Variants in HSD17B13 observed in about 807,000 individuals in gnomAD.
The protein encoded by HSD17B13 is 17-beta-hydroxysteroid dehydrogenase 13.
A neutral mutation model predicts 31.1 loss-of-function variants in HSD17B13; 26 were observed. The ratio of observed to expected loss-of-function variants is 0.84; its 90% CI spans 0.61 to 1.16. The LOEUF (loss-of-function observed/expected upper bound fraction) is 1.16. Among genes scored for constraint, HSD17B13 ranks in the 50% most tolerant of loss-of-function variants. The pLI, the probability that HSD17B13 is intolerant of heterozygous loss-of-function variation, is 0.00. For missense variants in HSD17B13, 374 were observed against 366.5 expected, an observed-to-expected ratio of 1.02 and a Z score of -0.17; for synonymous variants, 141 against 133.7, an observed-to-expected ratio of 1.05 and a Z score of -0.38.
chr4:87,310,262 T>C lies in HSD17B13; in HGVS notation c.793A>G (p.Ile265Val), dbSNP rs1386945248. 1.9e-6 allele frequency: 3 copies of C among 1,573,060 alleles called. No individual in the cohort carries two copies. The South Asian group carries it at 3.6e-5, about 19-fold the overall frequency. The stretch of plus-strand genomic sequence containing the variant: ...ACTTACTTCTGTAGTCTCAGAAAGA[T>C]ATTGATATACGATGGAACAAAAATC... ...KMIFVPSYIN[I>V]FLRLQKFLPE... The change falls in exon 6 of 7, where the codon ATC (isoleucine) becomes GTC (valine). Residue 265 changes from isoleucine (I) to valine (V), a missense_variant. Physicochemically the swap from Ile to Val is conservative, Grantham distance 29. Coordinates refer to ENST00000328546, the MANE Select transcript of HSD17B13 (RefSeq NM_178135.5).
In HSD17B13 at chr4:87,305,311, G is replaced by A. The variant is rs1489476056; in HGVS notation, c.813-3C>T. The A allele has an allele frequency of 1.3e-6, 2 of 1,566,434 alleles. No individual in the cohort carries two copies. Among genetic ancestry groups the A allele is most frequent in the Non-Finnish European group, 1.7e-6 (2 of 1,162,382 alleles). On this transcript the variant is annotated splice_region_variant and splice_polypyrimidine_tract_variant and intron_variant, in intron 6 of 6. Coordinates refer to ENST00000328546, the MANE Select transcript of HSD17B13 (RefSeq NM_178135.5). ...CTGAGGCGCGTTCAGGAAGAAACCTGTACAAAAAAGAAAAAAAAATTGAAA... is the reference window on the plus strand; with the variant it reads ...CTGAGGCGCGTTCAGGAAGAAACCTATACAAAAAAGAAAAAAAAATTGAAA...
intron 1 of HSD17B13, 100 bp from the exon 2 acceptor site, chr4:87,318,536 A>ACG (rs1734711611): frequency 1.1e-6 from 1 of 914,366 alleles, no homozygotes; most frequent in Admixed American, 1.9e-5. Flanking sequence ...GCGGTGGCTC[A>ACG]CGCCTGTAAT....
Position 87,310,254 on chromosome 4 carries a change from C to T in HSD17B13, c.801G>A (p.Leu267=). Residue 267 remains leucine, a synonymous_variant, in exon 6 of 7, where the codon CTG becomes CTA. Transcript: ENST00000328546. Reference sequence around the variant, plus strand: ...TGTGCTGTACTTACTTCTGTAGTCTCAGAAAGATATTGATATACGATGGAA... The same window carrying T: ...TGTGCTGTACTTACTTCTGTAGTCTTAGAAAGATATTGATATACGATGGAA... ...IFVPSYINIF[L]RLQKFLPERA... 1 of 1,566,494 alleles carries T rather than the reference C, an allele frequency of 6.4e-7. No individual in the cohort carries two copies. The highest frequency in any genetic ancestry group is 1.2e-5 in the South Asian group (1 of 83,034).
chr4:87,306,905 TAAAAAAAAAAAAAAA>T (rs67775053), intron 6 of HSD17B13, among the ~76,000 whole-genome samples: 2 of 44,318 alleles, frequency 4.5e-5, no homozygotes, highest in Middle Eastern at 0.017. Flanking sequence ...AGACCCAATC[TAAAAAAAAAAAAAAA>T]AAAAAAAAAA....
chr4:87,305,583 T>C (rs1734373558), intron 6 of HSD17B13, among the ~76,000 whole-genome samples: 1 of 152,128 alleles, frequency 6.6e-6, no homozygotes, highest in Non-Finnish European at 1.5e-5. Flanking sequence ...TTATGCCTTG[T>C]GGCTATAGTA....
At chr4:87,321,393 A>C (rs921445226) in intron 1 of HSD17B13, among the ~76,000 whole-genome samples, 1 of 152,158 alleles carries the variant, frequency 6.6e-6, no homozygotes, top group African/African-American at 2.4e-5. Context: ...GAAATTTTAA[A>C]ATTTAAAAAA....
At chr4:87,314,639 T>TCACA (rs1473304485) in intron 4 of HSD17B13, among the ~76,000 whole-genome samples, 6 of 134,868 alleles carry the variant, frequency 4.4e-5, no homozygotes, top group African/African-American at 6.7e-5. Flanking sequence ...TCTCTCTCTC[T>TCACA]CTCACACACA....
intron 2 of HSD17B13, 23 bp downstream of exon 2, chr4:87,318,306 A>C (rs567369472): frequency 1.3e-6 from 2 of 1,550,882 alleles, no homozygotes; most frequent in East Asian, 2.2e-5. Flanking sequence ...AATCTGAAGA[A>C]ATTTGTGAAC....
intron 3 of HSD17B13, 49 bp from the exon 4 acceptor site, chr4:87,315,648 T>C: frequency 1.7e-6 from 2 of 1,177,804 alleles, no homozygotes; most frequent in East Asian, 2.4e-5. Context: ...AGACGTTAGG[T>C]TTCCAAATCA....
At chr4:87,321,875 A>G (rs1166619480) in intron 1 of HSD17B13, among the ~76,000 whole-genome samples, 2 of 152,238 alleles carry the variant, frequency 1.3e-5, no homozygotes, top group South Asian at 2.1e-4. Context: ...AATTTTTCCA[A>G]TCCTAAAATC....
In HSD17B13 at chr4:87,313,875, A is replaced by G. The variant is rs772092560; in HGVS notation, c.643T>C (p.Cys215Arg). ...ALGKTGIKTS[C>R]LCPVFVNTGF... is the part of the protein sequence containing the mutation. ...GTATTCACAAAAACTGGGCAGAGAC[A>G]TGAGGTTTTGATACCAGTTTTTCCC... Residue 215 changes from cysteine to arginine, a missense_variant, in exon 5 of 7, where the codon TGT (cysteine) becomes CGT (arginine). Physicochemically the swap from Cys to Arg is radical, Grantham distance 180 (BLOSUM62 -3). Transcript: ENST00000328546. 1.2e-6 allele frequency: 2 copies of G among 1,612,258 alleles called. No homozygotes were observed. The highest frequency in any genetic ancestry group is 1.7e-6 in the Non-Finnish European group (2 of 1,179,254).
At chr4:87,312,027 G>A (rs192579472) in intron 5 of HSD17B13, among the ~76,000 whole-genome samples, 1 of 152,166 alleles carries the variant, frequency 6.6e-6, no homozygotes, top group Non-Finnish European at 1.5e-5. Flanking sequence ...CATTGCCTGT[G>A]TCTACCTCTA....
chr4:87,306,686 C>T (rs1734395176), intron 6 of HSD17B13, among the ~76,000 whole-genome samples: 1 of 151,894 alleles, frequency 6.6e-6, no homozygotes, highest in South Asian at 2.1e-4. Flanking sequence ...GTGGTCAGAT[C>T]ATGAGGTCAG....
intron 1 of HSD17B13, among the ~76,000 whole-genome samples, chr4:87,320,694 C>T (rs1734767097): frequency 6.6e-6 from 1 of 152,146 alleles, no homozygotes; most frequent in South Asian, 2.1e-4. Context: ...GCCTATTCTT[C>T]TGTTTTATAA....
intron 4 of HSD17B13, among the ~76,000 whole-genome samples, chr4:87,314,316 A>G (rs1460156073): frequency 6.6e-6 from 1 of 152,068 alleles, no homozygotes; most frequent in African/African-American, 2.4e-5. Context: ...TGAATCAGGA[A>G]AAATACATTT....
At chr4:87,314,201 G>T (rs1734596911) in intron 4 of HSD17B13, among the ~76,000 whole-genome samples, 1 of 151,602 alleles carries the variant, frequency 6.6e-6, no homozygotes, top group Admixed American at 6.6e-5. Flanking sequence ...TAACTCTATT[G>T]ATTGGCTTAA....
At chr4:87,306,239 T>C (rs578007875) in intron 6 of HSD17B13, among the ~76,000 whole-genome samples, 9 of 152,318 alleles carry the variant, frequency 5.9e-5, no homozygotes, top group African/African-American at 1.9e-4. Context: ...TTATCTGATA[T>C]GAGTAAAGAT....
In HSD17B13 at chr4:87,304,500, AG is replaced by A. The variant is rs1376607163; in HGVS notation, c.*717del. ...GGATATATGAAAGCATAAATTACAA[AG>A]AAAAAGGTTATCATGGGGCTAGAAC... is the stretch of plus-strand genomic sequence containing the variant. On this transcript the variant is annotated 3_prime_UTR_variant, in exon 7 of 7. Transcript: ENST00000328546. The A allele has an allele frequency of 6.6e-6, 1 of 152,186 alleles. No individual in the cohort carries two copies. Among genetic ancestry groups the A allele is most frequent in the Admixed American group, 6.5e-5 (1 of 15,280 alleles). 9.4% of individuals were successfully genotyped at this position (152,186 alleles called of 1,614,324 possible). A position where few individuals can be genotyped will look rare whatever the true frequency, so the allele number is the denominator to read the frequency against.
chr4:87,319,965 C>T lies in HSD17B13; in HGVS notation c.211-1529G>A, dbSNP rs1025123662. ...TTTTAAAAATTATACTTTTCCGTCT[C>T]ACAATCTGTAAACTCTTCTCTGTGA... On this transcript the variant is annotated intron_variant, in intron 1 of 6. Transcript: ENST00000328546. 9.8e-5 allele frequency among the ~76,000 whole-genome samples: 15 copies of T among 152,332 alleles called. No individual in the cohort carries two copies. In the East Asian group the frequency reaches 1.7e-3, roughly 18 times the overall value.
Sources: allele counts gnomAD v4.1 joint callset (sites outside exome capture counted in the v4.1 genomes callset), GRCh38; gene constraint gnomAD v4.1.1; transcripts MANE v1.5; gene names NCBI Gene and HGNC (gene_info 2026-07-23, HGNC 2026-07-21).